The following LRMDA variants were observed in gnomAD, a reference collection of about 807,000 sequenced individuals.
LRMDA encodes leucine rich melanocyte differentiation associated.
Under a neutral mutation model 29.8 loss-of-function variants are expected in LRMDA, and 18 were observed. That is an observed-to-expected ratio of 0.60 (90% CI 0.42 to 0.90). The LOEUF (loss-of-function observed/expected upper bound fraction) is 0.90. LRMDA is among the 40% of genes least tolerant of loss of function. LRMDA has a pLI of 0.00. For synonymous variants in LRMDA, 125 were observed against 109.4 expected (o/e 1.14, Z -0.89); for missense variants, 273 against 273.9 (o/e 1.00, Z 0.02).
chr10:76,120,645 T>C (rs1358721464), intron 5 of LRMDA, among the ~76,000 whole-genome samples: 1 of 152,198 alleles, frequency 6.6e-6, no homozygotes, highest in Non-Finnish European at 1.5e-5. Context: ...AGAAATGCTG[T>C]TTGATGATAG....
intron 5 of LRMDA, among the ~76,000 whole-genome samples, chr10:76,231,775 A>T (rs1314402962): frequency 6.6e-6 from 1 of 152,224 alleles, no homozygotes; most frequent in Non-Finnish European, 1.5e-5. Context: ...GCCTTGTGAC[A>T]GAAACAGTTT....
At chr10:76,193,160 C>G (rs1177519480) in intron 5 of LRMDA, among the ~76,000 whole-genome samples, 1 of 152,208 alleles carries the variant, frequency 6.6e-6, no homozygotes, top group East Asian at 1.9e-4. Context: ...CCTTGCTGTT[C>G]CTGCAAAGTC....
At chr10:75,710,140 G>A (rs575924248) in intron 2 of LRMDA, among the ~76,000 whole-genome samples, 1 of 152,170 alleles carries the variant, frequency 6.6e-6, no homozygotes, top group Non-Finnish European at 1.5e-5. Context: ...GAAACCGAGG[G>A]AGCAATAGCA....
At chr10:76,427,712 C>A (rs566295248) in intron 6 of LRMDA, among the ~76,000 whole-genome samples, 2 of 152,240 alleles carry the variant, frequency 1.3e-5, no homozygotes, top group East Asian at 3.9e-4. Flanking sequence ...CCAGTTTTTG[C>A]CCATTCAGTA....
intron 6 of LRMDA, among the ~76,000 whole-genome samples, chr10:76,525,367 A>C (rs570129296): frequency 2.6e-5 from 4 of 152,288 alleles, no homozygotes; most frequent in African/African-American, 9.6e-5. Flanking sequence ...GCTCACTGTT[A>C]ACCATGATGA....
chr10:76,545,650 ATTATTATTATTATTATTATTATTG>A (rs1843412060), intron 6 of LRMDA, among the ~76,000 whole-genome samples: 1 of 138,738 alleles, frequency 7.2e-6, no homozygotes, highest in Non-Finnish European at 1.6e-5. Context: ...TATTATTATT[ATTATTATTATTATTATTATTATTG>A]TTATTATTTA....
intron 2 of LRMDA, among the ~76,000 whole-genome samples, chr10:75,669,766 A>G (rs1228395445): frequency 1.3e-5 from 2 of 152,218 alleles, no homozygotes; most frequent in Non-Finnish European, 2.9e-5. Flanking sequence ...ACACTATATC[A>G]TTTTTAATGT....
At chr10:75,924,852 C>T (rs1846092161) in intron 2 of LRMDA, among the ~76,000 whole-genome samples, 1 of 152,154 alleles carries the variant, frequency 6.6e-6, no homozygotes, top group South Asian at 2.1e-4. Context: ...ATATTTTCCC[C>T]CTTTTCTCAA....
At chr10:75,867,250 C>A (rs1845035408) in intron 2 of LRMDA, among the ~76,000 whole-genome samples, 2 of 152,154 alleles carry the variant, frequency 1.3e-5, no homozygotes, top group African/African-American at 4.8e-5. Flanking sequence ...GCAACCTCCG[C>A]CTCCTAGGTT....
chr10:75,586,546 T>C (rs754698796), intron 2 of LRMDA, among the ~76,000 whole-genome samples: 13 of 151,806 alleles, frequency 8.6e-5, no homozygotes, highest in African/African-American at 1.5e-4. Flanking sequence ...TTTCTAGAGA[T>C]AGGGCTTCAC....
At chr10:76,372,919 A>G (rs1300258574) in intron 6 of LRMDA, among the ~76,000 whole-genome samples, 1 of 152,162 alleles carries the variant, frequency 6.6e-6, no homozygotes, top group Non-Finnish European at 1.5e-5. Flanking sequence ...TCTATGGAAC[A>G]CTGCTTCAGA....
chr10:75,766,908 C>T (rs1444614983), intron 2 of LRMDA, among the ~76,000 whole-genome samples: 8 of 152,076 alleles, frequency 5.3e-5, no homozygotes, highest in African/African-American at 1.9e-4. Flanking sequence ...GTTTTCTGTT[C>T]CTGTGTTAGT....
At chr10:76,211,857 A>G (rs1355146597) in intron 5 of LRMDA, among the ~76,000 whole-genome samples, 8 of 152,222 alleles carry the variant, frequency 5.3e-5, no homozygotes, top group Non-Finnish European at 1.0e-4. Flanking sequence ...GAGTCTCACA[A>G]ATAGTTCTCA....
chr10:76,404,627 C>T (rs577100369), intron 6 of LRMDA, among the ~76,000 whole-genome samples: 2 of 152,286 alleles, frequency 1.3e-5, no homozygotes, highest in South Asian at 4.1e-4. Context: ...AGCCTGGATG[C>T]TCTTTCCTGG....
intron 2 of LRMDA, among the ~76,000 whole-genome samples, chr10:75,884,381 A>G (rs1845347041): frequency 6.6e-6 from 1 of 152,012 alleles, no homozygotes; most frequent in South Asian, 2.1e-4. Context: ...TAGTCTAGGT[A>G]GGATCCAAGG....
At chr10:76,348,232 C>T (rs377708963) in intron 6 of LRMDA, among the ~76,000 whole-genome samples, 3 of 152,132 alleles carry the variant, frequency 2.0e-5, no homozygotes, top group Admixed American at 6.5e-5. Flanking sequence ...AAAGGGTGAA[C>T]GATCTTAGGG....
chr10:76,239,988 A>G (rs1316854579), intron 5 of LRMDA, among the ~76,000 whole-genome samples: 1 of 152,108 alleles, frequency 6.6e-6, no homozygotes, highest in Admixed American at 6.6e-5. Context: ...TAAACACTAT[A>G]TACAGTTTTA....
intron 2 of LRMDA, among the ~76,000 whole-genome samples, chr10:75,618,025 T>C (rs558519626): frequency 9.2e-5 from 14 of 152,296 alleles, no homozygotes; most frequent in African/African-American, 2.4e-4. Flanking sequence ...TAGAGAAGCT[T>C]TGTGAATATC....
At position 76,208,657 on chromosome 10, in the gene LRMDA, A is replaced by G. The variant is rs141955971; in HGVS notation, c.517-115744A>G. Reference sequence around the variant, plus strand: ...TTGACCTTCAGAAATAGGAGGAAACACATGTGCATTGCATTCAGCAGTGAA... The same window carrying G: ...TTGACCTTCAGAAATAGGAGGAAACGCATGTGCATTGCATTCAGCAGTGAA... On this transcript the variant is annotated intron_variant, in intron 5 of 6. Transcript: ENST00000611255. Among the ~76,000 whole-genome samples the G allele has an allele frequency of 2.6e-3, 390 of 152,310 alleles. 1 individual carries two copies. The highest frequency in any genetic ancestry group is 9.0e-3 in the African/African-American group (374 of 41,574).
Sources: allele counts gnomAD v4.1 joint callset (sites outside exome capture counted in the v4.1 genomes callset), GRCh38; gene constraint gnomAD v4.1.1; transcripts MANE v1.5; gene names NCBI Gene and HGNC (gene_info 2026-07-23, HGNC 2026-07-21).